Variants in FGF10 observed in about 807,000 individuals in gnomAD.
FGF10 encodes FGF-10.
A neutral mutation model predicts 19.8 loss-of-function variants in FGF10; 2 were observed. The ratio of observed to expected loss-of-function variants is 0.10; its 90% CI spans 0.04 to 0.32. The LOEUF (loss-of-function observed/expected upper bound fraction) is 0.32, where lower values mean the gene tolerates loss of function less well. FGF10 is among the 10% of genes least tolerant of loss of function. The probability of loss-of-function intolerance (pLI) is 1.00; values close to 1 mark genes in which losing one functional copy is unlikely to be tolerated. For synonymous variants in FGF10, 112 were observed against 94.0 expected (o/e 1.19, Z -1.10); for missense variants, 191 against 246.3 (o/e 0.78, Z 1.50).
In FGF10 at chr5:44,303,860, T is replaced by C. The variant is rs1740014912; in HGVS notation, c.*1135A>G. ...TGGGAAAGATGCATTATGTGGAATTTACAGAGGGTTTTTAGAGATGTGGAC... is the reference window on the plus strand; with the variant it reads ...TGGGAAAGATGCATTATGTGGAATTCACAGAGGGTTTTTAGAGATGTGGAC... On this transcript the variant is annotated 3_prime_UTR_variant, in exon 3 of 3. Coordinates refer to ENST00000264664, the MANE Select transcript of FGF10 (RefSeq NM_004465.2). The C allele has an allele frequency of 6.6e-6, 1 of 152,214 alleles. No homozygotes were observed. Among genetic ancestry groups the C allele is most frequent in the South Asian group, 2.1e-4 (1 of 4,834 alleles). The allele number at this position is 152,214 out of a possible 1,614,324, so 9.4% of individuals were successfully genotyped here. A position where few individuals can be genotyped will look rare whatever the true frequency, so the allele number is the denominator to read the frequency against.
At chr5:44,388,159 C>T (rs1742148967) in intron 1 of FGF10, among the ~76,000 whole-genome samples, 199 bp downstream of exon 1, 1 of 134,888 alleles carries the variant, frequency 7.4e-6, no homozygotes. Context: ...GAAGGGAGCG[C>T]GCTTAGGGGA....
intron 1 of FGF10, among the ~76,000 whole-genome samples, chr5:44,380,051 AT>A (rs1266474646): frequency 6.6e-6 from 1 of 152,194 alleles, no homozygotes; most frequent in Non-Finnish European, 1.5e-5. Context: ...GTGGAATCAT[AT>A]CCTTCTGCAG....
chr5:44,385,922 G>T (rs1259911607), intron 1 of FGF10, among the ~76,000 whole-genome samples: 1 of 152,070 alleles, frequency 6.6e-6, no homozygotes, highest in African/African-American at 2.4e-5. Flanking sequence ...GATGTTCTTG[G>T]AAAGCCTAAA....
At chr5:44,347,795 C>T (rs541336241) in intron 1 of FGF10, among the ~76,000 whole-genome samples, 1 of 151,808 alleles carries the variant, frequency 6.6e-6, no homozygotes, top group Non-Finnish European at 1.5e-5. Context: ...TTCCATTGTG[C>T]TGGTGGAGGG....
At chr5:44,335,266 A>AT in intron 1 of FGF10, among the ~76,000 whole-genome samples, 1 of 152,114 alleles carries the variant, frequency 6.6e-6, no homozygotes, top group East Asian at 1.9e-4. Context: ...AATGGTGAGA[A>AT]GAAATGACCT....
intron 1 of FGF10, among the ~76,000 whole-genome samples, chr5:44,338,528 G>T (rs1444781167): frequency 2.6e-5 from 4 of 152,112 alleles, no homozygotes. Context: ...TACTATTCAG[G>T]TTGACAAAAG....
intron 1 of FGF10, among the ~76,000 whole-genome samples, chr5:44,337,173 G>A (rs929651297): frequency 4.0e-5 from 6 of 151,738 alleles, no homozygotes; most frequent in Non-Finnish European, 7.4e-5. Flanking sequence ...TTATATTAGT[G>A]ATCCCAATTT....
At chr5:44,378,064 T>C (rs1369848836) in intron 1 of FGF10, among the ~76,000 whole-genome samples, 1 of 147,454 alleles carries the variant, frequency 6.8e-6, no homozygotes, top group Non-Finnish European at 1.5e-5. Flanking sequence ...ATACCACTAT[T>C]ACAGTGAAAA....
chr5:44,367,282 T>C (rs1480360419), intron 1 of FGF10, among the ~76,000 whole-genome samples: 2 of 152,180 alleles, frequency 1.3e-5, no homozygotes, highest in Non-Finnish European at 2.9e-5. Flanking sequence ...CTTTTTTAAC[T>C]GCAGGTAAAC....
At chr5:44,339,799 A>C (rs1740927809) in intron 1 of FGF10, among the ~76,000 whole-genome samples, 1 of 152,148 alleles carries the variant, frequency 6.6e-6, no homozygotes, top group Non-Finnish European at 1.5e-5. Context: ...TATCTCAGAC[A>C]AAGGACTGGC....
At chr5:44,359,891 A>G (rs1741435715) in intron 1 of FGF10, among the ~76,000 whole-genome samples, 1 of 151,392 alleles carries the variant, frequency 6.6e-6, no homozygotes, top group Non-Finnish European at 1.5e-5. Flanking sequence ...TCTACTTTCT[A>G]CTGGACTAGA....
In FGF10 at chr5:44,330,811, A is replaced by G. The variant is rs189009328; in HGVS notation, c.326-20281T>C. On this transcript the variant is annotated intron_variant, in intron 1 of 2. Coordinates refer to ENST00000264664, the MANE Select transcript of FGF10 (RefSeq NM_004465.2). ...TCATCTGTCTCTTAGAAAAATGTCAAAATTACAATTTAAACTGTTCAAAAT... is the reference window on the plus strand; with the variant it reads ...TCATCTGTCTCTTAGAAAAATGTCAGAATTACAATTTAAACTGTTCAAAAT... Among the ~76,000 whole-genome samples the G allele has an allele frequency of 3.2e-3, 480 of 152,290 alleles. 4 individuals carry two copies. The highest frequency in any genetic ancestry group is 0.031 in the Middle Eastern group (9 of 294).
chr5:44,349,084 C>T (rs1004714154), intron 1 of FGF10, among the ~76,000 whole-genome samples: 1 of 151,288 alleles, frequency 6.6e-6, no homozygotes, highest in African/African-American at 2.4e-5. Context: ...ATAGATCTGT[C>T]CAGCTTAAAT....
Position 44,303,628 on chromosome 5 carries a change from A to G in FGF10, c.*1367T>C, listed in dbSNP as rs933933132. ...TCTTTTCTATACCTGCTCTAACAAA[A>G]TGAATTTTGATATGGTTACATTATG... On this transcript the variant is annotated 3_prime_UTR_variant, in exon 3 of 3. Transcript: ENST00000264664. The G allele has an allele frequency of 3.9e-5, 6 of 152,186 alleles. No individual in the cohort carries two copies. The allele number at this position is 152,186 out of a possible 1,614,324, so 9.4% of individuals were successfully genotyped here.
In FGF10 at chr5:44,328,003, G is replaced by A. The variant is rs17227990; in HGVS notation, c.326-17473C>T. On this transcript the variant is annotated intron_variant, in intron 1 of 2. Coordinates refer to ENST00000264664, the MANE Select transcript of FGF10 (RefSeq NM_004465.2). ...GAGCTACAGAGACATTTCCTTAGAT[G>A]TCTTCCCACTCACAAAGTTCAAGGG... Among the ~76,000 whole-genome samples, 587 of 152,298 alleles carry A rather than the reference G, an allele frequency of 3.9e-3. 3 individuals carry two copies. Among genetic ancestry groups the A allele is most frequent in the African/African-American group, 0.012 (493 of 41,560 alleles).
intron 1 of FGF10, among the ~76,000 whole-genome samples, chr5:44,339,255 T>G (rs1740917528): frequency 6.6e-6 from 1 of 152,192 alleles, no homozygotes; most frequent in Admixed American, 6.6e-5. Flanking sequence ...ATGACCAGAA[T>G]AGTTAAATTA....
chr5:44,389,009 T>C lies in FGF10; in HGVS notation c.-327A>G. 2.1e-6 allele frequency: 1 copy of C among 467,548 alleles called. No individual in the cohort carries two copies. 29.0% of individuals were successfully genotyped at this position (467,548 alleles called of 1,614,324 possible). A position where few individuals can be genotyped will look rare whatever the true frequency, so the allele number is the denominator to read the frequency against. ...CTCTTCGCTCCCCCAGGAGTTACTTTGTTCTCTTCTTTACTCCTTTCTTCA... is the reference window on the plus strand; with the variant it reads ...CTCTTCGCTCCCCCAGGAGTTACTTCGTTCTCTTCTTTACTCCTTTCTTCA... On this transcript the variant is annotated 5_prime_UTR_variant, in exon 1 of 3. Coordinates refer to ENST00000264664, the MANE Select transcript of FGF10 (RefSeq NM_004465.2).
At chr5:44,367,062 G>A (rs1741632369) in intron 1 of FGF10, among the ~76,000 whole-genome samples, 2 of 151,972 alleles carry the variant, frequency 1.3e-5, no homozygotes, top group Admixed American at 6.6e-5. Context: ...TCATATGTGA[G>A]AAGGTTAAAA....
chr5:44,309,962 C>T (rs1028948666), intron 2 of FGF10, among the ~76,000 whole-genome samples: 1 of 152,046 alleles, frequency 6.6e-6, no homozygotes, highest in African/African-American at 2.4e-5. Flanking sequence ...GATTGAACAA[C>T]AAGCAAAATG....
Sources: allele counts gnomAD v4.1 joint callset (sites outside exome capture counted in the v4.1 genomes callset), GRCh38; gene constraint gnomAD v4.1.1; transcripts MANE v1.5; gene names NCBI Gene and HGNC (gene_info 2026-07-23, HGNC 2026-07-21).